NCAPG: variants seen among roughly 807,000 people sequenced by gnomAD.
NCAPG encodes the protein condensin complex subunit 3.
In NCAPG, 69 loss-of-function variants were observed where a neutral mutation model predicts 113.1. The observed-to-expected ratio is 0.61, with a 90% CI of 0.50 to 0.75. The LOEUF is 0.75. NCAPG is among the 30% of genes least tolerant of loss of function. The pLI is 0.00. For missense variants in NCAPG, 1,058 were observed against 1,177.0 expected (o/e 0.90, Z 1.48); for synonymous variants, 370 against 415.8 (o/e 0.89, Z 1.34).
At chr4:17,824,396 C>A (rs897816869) in intron 9 of NCAPG, among the ~76,000 whole-genome samples, 1 of 152,084 alleles carries the variant, frequency 6.6e-6, no homozygotes, top group Non-Finnish European at 1.5e-5. Flanking sequence ...TCTCTTCCAT[C>A]CTCTCCTTAT....
chr4:17,813,174 A>AC (rs752283215), intron 3 of NCAPG, 29 bp downstream of exon 3: 1 of 1,550,394 alleles, frequency 6.4e-7, no homozygotes, highest in Non-Finnish European at 8.7e-7. Flanking sequence ...ATCTTTTTTC[A>AC]GATTTGTTGA....
chr4:17,840,089 T>C lies in NCAPG; in HGVS notation c.2647T>C (p.Cys883Arg). ...TTTATAGCAAGTAAAAGATAGGACA[T>C]GTCTGAGAGCTTTGGAGAAAATCAA... ...EILEQVKDRT[C>R]LRALEKIKIQ... The change falls in exon 18 of 21, where the codon TGT becomes CGT. Residue 883 changes from cysteine (C) to arginine (R), a missense_variant. Cys to Arg is a radical substitution (Grantham distance 180, BLOSUM62 -3). Transcript: ENST00000251496. The C allele has an allele frequency of 6.2e-7, 1 of 1,607,278 alleles. No homozygotes were observed. Among genetic ancestry groups the C allele is most frequent in the Non-Finnish European group, 8.5e-7 (1 of 1,177,690 alleles).
In NCAPG at chr4:17,843,366, G is replaced by A. The variant is rs778475199; in HGVS notation, c.2989G>A (p.Ala997Thr). ...GAGACTACCAAGACGAGCCAAAACC[G>A]CAGCACTAGAAAAAAGTAAACTTAA... is the stretch of plus-strand genomic sequence containing the variant. ...KMRLPRRAKT[A>T]ALEKSKLNLA... The change falls in exon 21 of 21, where the codon GCA becomes ACA. Residue 997 changes from alanine (A) to threonine (T), a missense_variant. Ala to Thr is a moderately conservative substitution (Grantham distance 58, BLOSUM62 0). Coordinates refer to ENST00000251496, the MANE Select transcript of NCAPG (RefSeq NM_022346.5). 4.3e-6 allele frequency: 7 copies of A among 1,611,706 alleles called. No individual in the cohort carries two copies. The highest frequency in any genetic ancestry group is 2.2e-5 in the East Asian group (1 of 44,826).
Position 17,811,120 on chromosome 4 carries a change from C to T in NCAPG, c.43C>T (p.Arg15Trp). 6.6e-7 allele frequency: 1 copy of T among 1,525,678 alleles called. No individual in the cohort carries two copies. Among genetic ancestry groups the T allele is most frequent in the Non-Finnish European group, 8.8e-7 (1 of 1,136,790 alleles). The allele number at this position is 1,525,678 out of a possible 1,614,324, so 94.5% of individuals were successfully genotyped here. Residue 15 changes from arginine to tryptophan, a missense_variant, in exon 1 of 21, where the codon CGG becomes TGG. Arg to Trp is a moderately radical substitution (Grantham distance 101). Transcript: ENST00000251496. The surrounding 1 kb of genome is among the most constrained non-coding windows in gnomAD (Gnocchi z 5.3). ...RRLLSIKEAF[R>W]LAQQPHQNQA... is the part of the protein sequence containing the mutation. ...GCTGCTGTCGATTAAGGAGGCCTTT[C>T]GGCTGGCGCAGCAGCCGCACCAGAA...
intron 7 of NCAPG, among the ~76,000 whole-genome samples, chr4:17,821,186 A>G (rs1362801309): frequency 2.0e-5 from 3 of 151,810 alleles, no homozygotes; most frequent in Non-Finnish European, 4.4e-5. Flanking sequence ...GTGGGGAGAG[A>G]TACAAAGATG....
At position 17,840,246 on chromosome 4, in the gene NCAPG, GT is replaced by G. The variant is rs757492182; in HGVS notation, c.2767+48del. On this transcript the variant is annotated intron_variant, in intron 18 of 20. Coordinates refer to ENST00000251496, the MANE Select transcript of NCAPG (RefSeq NM_022346.5). ...CTGAACAGAATATTTATAAGGTTCT[GT>G]TTTTTTTTTTCCATCTTTACTGAGA... is the stretch of plus-strand genomic sequence containing the variant. The G allele has an allele frequency of 4.9e-3, 5,592 of 1,143,540 alleles. 22 individuals are homozygous for G. Among genetic ancestry groups the G allele is most frequent in the African/African-American group, 0.028 (1,688 of 60,026 alleles). 70.8% of individuals were successfully genotyped at this position (1,143,540 alleles called of 1,614,324 possible).
intron 7 of NCAPG, among the ~76,000 whole-genome samples, chr4:17,818,351 ATGATATATTATTTC>A: frequency 6.6e-6 from 1 of 152,278 alleles, no homozygotes; most frequent in South Asian, 2.1e-4. Flanking sequence ...GTTGATGATG[ATGATATATTATTTC>A]TGAAATTGGT....
Position 17,837,594 on chromosome 4 carries a change from C to A in NCAPG, c.2292-33C>A. On this transcript the variant is annotated intron_variant, in intron 15 of 20. Transcript: ENST00000251496. ...ACTTTTTCTCTCATCAAATAATGTT[C>A]TGCCAACATACTTTGAATTTGTTTC... 3 of 1,577,272 alleles carry A rather than the reference C, an allele frequency of 1.9e-6. No individual in the cohort carries two copies. The South Asian group carries it at 3.5e-5, about 18-fold the overall frequency.
intron 14 of NCAPG, among the ~76,000 whole-genome samples, chr4:17,836,572 T>C (rs1221973283): frequency 6.6e-6 from 1 of 152,184 alleles, no homozygotes; most frequent in Non-Finnish European, 1.5e-5. Context: ...TTAGCTTTTA[T>C]ATTTAGGCTG....
chr4:17,822,441 C>T (rs139724825), intron 7 of NCAPG, among the ~76,000 whole-genome samples: 3,071 of 151,960 alleles, frequency 0.02, 81 homozygotes, highest in East Asian at 0.13. Flanking sequence ...GCACCTGCCT[C>T]GGCCTCCCAA....
At chr4:17,837,467 G>C in intron 15 of NCAPG, 127 bp downstream of exon 15, 1 of 1,224,396 alleles carries the variant, frequency 8.2e-7, no homozygotes, top group Non-Finnish European at 1.1e-6. Flanking sequence ...ATGATGAAAT[G>C]ACAAGAACGA....
intron 12 of NCAPG, 136 bp downstream of exon 12, chr4:17,828,524 T>C: frequency 2.3e-6 from 1 of 437,280 alleles, no homozygotes; most frequent in South Asian, 5.6e-5. Flanking sequence ...AAAATATATA[T>C]ATATAGCAGC....
chr4:17,832,646 C>T (rs1428054620), intron 13 of NCAPG, among the ~76,000 whole-genome samples: 9 of 152,028 alleles, frequency 5.9e-5, no homozygotes, highest in Admixed American at 5.9e-4. Context: ...AGTCTTTATT[C>T]TTTTGGTAGT....
chr4:17,843,213 A>C, intron 20 of NCAPG, 89 bp from the exon 21 acceptor site: 2 of 1,402,328 alleles, frequency 1.4e-6, no homozygotes, highest in African/African-American at 2.9e-5. Context: ...CACTGATAGA[A>C]TGTGAGTCAG....
In NCAPG at chr4:17,828,335, A is replaced by G. The variant is rs148449510; in HGVS notation, c.1711A>G (p.Met571Val). Residue 571 changes from methionine (M) to valine (V), a missense_variant, in exon 12 of 21, where the codon ATG becomes GTG. By Grantham distance (21) the Met-to-Val change is conservative. Transcript: ENST00000251496. ...TTTATGCTATGAACTGTTGAAGCAG[A>G]TGTCCATTTCAACAGGCTTAAGTGC... Reference protein sequence around the residue: ...LILCYELLKQMSISTGLSATM... With the variant: ...LILCYELLKQVSISTGLSATM... 1.4e-4 allele frequency: 222 copies of G among 1,609,236 alleles called. 1 individual carries two copies. Among genetic ancestry groups the G allele is most frequent in the Non-Finnish European group, 1.8e-4 (210 of 1,177,486 alleles).
At chr4:17,837,427 G>T in intron 15 of NCAPG, 87 bp downstream of exon 15, 1 of 1,322,464 alleles carries the variant, frequency 7.6e-7, no homozygotes, top group Non-Finnish European at 1.0e-6. Context: ...ATATTTTGTT[G>T]TTGATACTTT....
intron 14 of NCAPG, among the ~76,000 whole-genome samples, chr4:17,835,471 T>G (rs920715820): frequency 2.6e-5 from 4 of 152,134 alleles, no homozygotes; most frequent in African/African-American, 9.7e-5. Flanking sequence ...GGATTACAAG[T>G]GTGAGCCCTC....
At chr4:17,821,708 C>G (rs1721462943) in intron 7 of NCAPG, among the ~76,000 whole-genome samples, 1 of 152,028 alleles carries the variant, frequency 6.6e-6, no homozygotes, top group Non-Finnish European at 1.5e-5. Flanking sequence ...AAGTGATCCT[C>G]CCGCCTCAAC....
intron 13 of NCAPG, among the ~76,000 whole-genome samples, chr4:17,833,240 A>T (rs1287314125): frequency 6.6e-6 from 1 of 151,892 alleles, no homozygotes; most frequent in East Asian, 1.9e-4. Context: ...GCATGGTGGT[A>T]TGTGCCTGTA....
Sources: gnomAD v4.1 joint callset for allele counts (sites outside exome capture counted in the v4.1 genomes callset) on GRCh38, gnomAD v4.1.1 for gene constraint, Gnocchi (gnomAD v3.1) non-coding constraint, MANE v1.5 for transcripts, NCBI Gene and HGNC (gene_info 2026-07-23, HGNC 2026-07-21) for gene names.